Variants in DNHD1 observed in about 807,000 individuals in gnomAD.
DNHD1 encodes the protein dynein heavy chain domain-containing protein 1.
DNHD1 carries 383 observed loss-of-function variants against 458.1 expected under a neutral mutation model. That is an observed-to-expected ratio of 0.84 (90% confidence interval 0.77 to 0.91). The LOEUF (loss-of-function observed/expected upper bound fraction) is 0.91. Among genes scored for constraint, DNHD1 ranks in the 40% least tolerant of loss-of-function variants. The probability of loss-of-function intolerance (pLI) is 0.00; values close to 1 mark genes in which losing one functional copy is unlikely to be tolerated. For synonymous variants in DNHD1, 2,203 were observed against 2,376.9 expected (o/e 0.93, Z 2.13); for missense variants, 5,336 against 5,866.1 (o/e 0.91, Z 2.95).
chr11:6,511,270 T>G lies in DNHD1; in HGVS notation c.1236-3T>G. 1 of 1,614,082 alleles carries G rather than the reference T, an allele frequency of 6.2e-7. No individual in the cohort carries two copies. Among genetic ancestry groups the G allele is most frequent in the African/African-American group, 1.3e-5 (1 of 75,056 alleles). ...CTCTGACCAGCTTAGTCCTTGATTC[T>G]AGGCTTCTGCAGGAGCTACACTCTG... On this transcript the variant is annotated splice_polypyrimidine_tract_variant and splice_region_variant and intron_variant, in intron 6 of 42. Transcript: ENST00000254579.
At chr11:6,525,938 G>T (rs1170948289) in intron 10 of DNHD1, among the ~76,000 whole-genome samples, 4 of 151,982 alleles carry the variant, frequency 2.6e-5, no homozygotes, top group African/African-American at 9.7e-5. Context: ...GGGAAGGATT[G>T]TCAGGTATGT....
chr11:6,514,626 G>T (rs1299359787), intron 7 of DNHD1, among the ~76,000 whole-genome samples: 1 of 148,244 alleles, frequency 6.7e-6, no homozygotes, highest in East Asian at 2.0e-4. Flanking sequence ...AAACTTATTA[G>T]AATTGTAAAG....
intron 24 of DNHD1, among the ~76,000 whole-genome samples, chr11:6,552,484 A>G (rs943761398): frequency 1.3e-5 from 2 of 152,140 alleles, no homozygotes; most frequent in African/African-American, 2.4e-5. Context: ...GGATCACGCC[A>G]TTGCACTCCA....
Position 6,529,254 on chromosome 11 carries a change from GC to G in DNHD1, c.2347+136del. On this transcript the variant is annotated intron_variant, in intron 12 of 42. Coordinates refer to ENST00000254579, the MANE Select transcript of DNHD1 (RefSeq NM_144666.3). Reference sequence around the variant, plus strand: ...TATTGGACCTATGAAGCCTTCCAAAGCCCGAGGTCCCAGGCCCTTTCCTTTG... The same window carrying G: ...TATTGGACCTATGAAGCCTTCCAAAGCCGAGGTCCCAGGCCCTTTCCTTTG... 3 of 988,292 alleles carry G rather than the reference GC, an allele frequency of 3.0e-6. No homozygotes were observed. The South Asian group carries it at 5.1e-5, about 17-fold the overall frequency. The allele number at this position is 988,292 out of a possible 1,614,324, so 61.2% of individuals were successfully genotyped here.
Position 6,567,878 on chromosome 11 carries a change from T to C in DNHD1, c.12351+18T>C. ...ATCAGCAGGTTTGAACCTAGTTTCTTGGCCACAGAGTGACCAGGCTCCTGT... is the reference window on the plus strand; with the variant it reads ...ATCAGCAGGTTTGAACCTAGTTTCTCGGCCACAGAGTGACCAGGCTCCTGT... On this transcript the variant is annotated intron_variant, in intron 36 of 42. Coordinates refer to ENST00000254579, the MANE Select transcript of DNHD1 (RefSeq NM_144666.3). The C allele has an allele frequency of 5.0e-6, 8 of 1,598,468 alleles. No homozygotes were observed. The highest frequency in any genetic ancestry group is 6.8e-6 in the Non-Finnish European group (8 of 1,173,236).
chr11:6,520,561 C>T (rs1852585696), intron 10 of DNHD1: 1 of 1,274,182 alleles, frequency 7.8e-7, no homozygotes, highest in Admixed American at 3.4e-5. Flanking sequence ...AAACCTGATT[C>T]ATCCCAAACT....
intron 12 of DNHD1, 41 bp downstream of exon 12, chr11:6,529,162 G>A (rs749432010): frequency 3.2e-6 from 5 of 1,545,970 alleles, no homozygotes; most frequent in Middle Eastern, 2.2e-4. Context: ...TCCCTTTTCT[G>A]TATGTCTATT....
chr11:6,514,771 C>T lies in DNHD1; in HGVS notation c.1392+3342C>T, dbSNP rs117040332. On this transcript the variant is annotated intron_variant, in intron 7 of 42. Coordinates refer to ENST00000254579, the MANE Select transcript of DNHD1 (RefSeq NM_144666.3). ...TTTGAGAGTCAATTGAAGGCATCAG[C>T]CCCCTTACCCCTGTCTTAGTTTGTT... 4.4e-4 allele frequency among the ~76,000 whole-genome samples: 67 copies of T among 152,180 alleles called. No individual in the cohort carries two copies. In the East Asian group the frequency reaches 7.3e-3, roughly 17 times the overall value.
chr11:6,507,729 G>C (rs1467518724), intron 4 of DNHD1, among the ~76,000 whole-genome samples: 2 of 152,134 alleles, frequency 1.3e-5, no homozygotes, highest in Non-Finnish European at 2.9e-5. Flanking sequence ...TAAAGGAGGG[G>C]GCATGAGTCA....
In DNHD1 at chr11:6,498,124, G is replaced by T. The variant is rs1852064785; in HGVS notation, c.-92G>T. The T allele has an allele frequency of 5.2e-6, 8 of 1,543,958 alleles. No individual in the cohort carries two copies. The highest frequency in any genetic ancestry group is 1.3e-5 in the South Asian group (1 of 79,594). On this transcript the variant is annotated 5_prime_UTR_variant, in exon 3 of 43. Coordinates refer to ENST00000254579, the MANE Select transcript of DNHD1 (RefSeq NM_144666.3). ...CCCTCTGCTGGGCTGGCCCATGCAG[G>T]TGAGGCCCCGCATCTGGCATCCTGG...
chr11:6,526,134 TTA>T (rs778126206), intron 10 of DNHD1, among the ~76,000 whole-genome samples: 2 of 152,170 alleles, frequency 1.3e-5, no homozygotes, highest in Non-Finnish European at 2.9e-5. Flanking sequence ...TTAAAATTGT[TTA>T]TTTCCTTTTT....
At chr11:6,544,437 A>G in intron 19 of DNHD1, 137 bp from the exon 20 acceptor site, 1 of 1,010,046 alleles carries the variant, frequency 9.9e-7, no homozygotes, top group Non-Finnish European at 1.4e-6. Flanking sequence ...CCCTCAAGCA[A>G]GTTCCCTGAG....
intron 39 of DNHD1, 72 bp downstream of exon 39, chr11:6,568,938 T>C: frequency 6.9e-7 from 1 of 1,459,036 alleles, no homozygotes; most frequent in Non-Finnish European, 9.2e-7. Flanking sequence ...TATGCTGGGA[T>C]GAGTAAAACT....
intron 18 of DNHD1, 146 bp downstream of exon 18, chr11:6,540,229 C>G (rs1853070356): frequency 1.4e-6 from 1 of 690,468 alleles, no homozygotes; most frequent in Admixed American, 2.8e-5. Flanking sequence ...TGTTCTGAGA[C>G]AGTGTCTTCC....
At position 6,538,668 on chromosome 11, in the gene DNHD1, G is replaced by C. The variant is rs1564813164; in HGVS notation, c.3183G>C (p.Arg1061=). The C allele has an allele frequency of 6.5e-7, 1 of 1,548,866 alleles. No individual in the cohort carries two copies. ...KTEGWLTEAA[R]MSTTLELHSP... is the part of the protein sequence containing the mutation. ...AGGGCTGGCTGACAGAGGCAGCACGGATGAGCACAACCCTGGAGCTGCACA... is the reference window on the plus strand; with the variant it reads ...AGGGCTGGCTGACAGAGGCAGCACGCATGAGCACAACCCTGGAGCTGCACA... Residue 1061 remains arginine, a synonymous_variant, in exon 16 of 43, where the codon CGG becomes CGC. Coordinates refer to ENST00000254579, the MANE Select transcript of DNHD1 (RefSeq NM_144666.3).
chr11:6,567,645 G>A lies in DNHD1; in HGVS notation c.12136G>A (p.Val4046Ile), dbSNP rs201365686. 48 of 1,613,834 alleles carry A rather than the reference G, an allele frequency of 3.0e-5. No homozygotes were observed. Among genetic ancestry groups the A allele is most frequent in the South Asian group, 2.5e-4 (23 of 91,092 alleles). ...SLLQKLILWR[V>I]LRPECLAGAL... The stretch of plus-strand genomic sequence containing the variant: ...CCTCCAGAAGCTGATCCTGTGGCGC[G>A]TTCTGCGACCTGAGTGCCTGGCAGG... Residue 4046 changes from valine to isoleucine, a missense_variant, in exon 36 of 43, where the codon GTT (valine) becomes ATT (isoleucine). By Grantham distance (29) the Val-to-Ile change is conservative. Transcript: ENST00000254579.
chr11:6,507,296 A>G (rs1433277922), intron 4 of DNHD1, among the ~76,000 whole-genome samples: 6 of 152,188 alleles, frequency 3.9e-5, no homozygotes, highest in African/African-American at 1.2e-4. Context: ...GCTTGCCTTA[A>G]TAAGCATTTG....
chr11:6,538,796 A>G lies in DNHD1; in HGVS notation c.3311A>G (p.Gln1104Arg), dbSNP rs1168029420. ...CTCCACCCACAGAGCCTCAACTGCC[A>G]GTGTCTCCTGCGTGGTATGTTTGGT... is the stretch of plus-strand genomic sequence containing the variant. The part of the protein sequence containing the change: ...GSLHPQSLNC[Q>R]CLLRALGLGS... The change falls in exon 16 of 43, where the codon CAG becomes CGG. Residue 1104 changes from glutamine (Q) to arginine (R), a missense_variant. Gln to Arg is a conservative substitution (Grantham distance 43, BLOSUM62 1). Around this residue, in one of 4 missense-constraint regions of DNHD1, gnomAD observed 3,932 missense variants for 4,365.6 expected, o/e 0.90. Coordinates refer to ENST00000254579, the MANE Select transcript of DNHD1 (RefSeq NM_144666.3). 4 of 1,521,720 alleles carry G rather than the reference A, an allele frequency of 2.6e-6. No individual in the cohort carries two copies. The Admixed American group carries it at 8.1e-5, about 31-fold the overall frequency. The allele number at this position is 1,521,720 out of a possible 1,614,324, so 94.3% of individuals were successfully genotyped here.
chr11:6,548,897 C>T lies in DNHD1; in HGVS notation c.7351C>T (p.Leu2451Phe), dbSNP rs1380741969. The change falls in exon 24 of 43, where the codon CTC (leucine) becomes TTC (phenylalanine). Residue 2451 changes from leucine to phenylalanine, a missense_variant. Transcript: ENST00000254579. The surrounding 1 kb of genome is among the most constrained non-coding windows in gnomAD (Gnocchi z 4.4). ...TCACCAGGATTCTAAACCCTCCCTC[C>T]TCTTCTTGCTGGAGGACCTGCACCT... Reference protein sequence around the residue: ...GHHQDSKPSLLFLLEDLHLAT... With the variant: ...GHHQDSKPSLFFLLEDLHLAT... 2 of 1,551,736 alleles carry T rather than the reference C, an allele frequency of 1.3e-6. No homozygotes were observed. The highest frequency in any genetic ancestry group is 2.0e-5 in the Admixed American group (1 of 51,010).
Sources: gnomAD v4.1 joint callset for allele counts (sites outside exome capture counted in the v4.1 genomes callset) on GRCh38, gnomAD v4.1.1 for gene constraint, gnomAD v4.1.1 regional missense constraint, Gnocchi (gnomAD v3.1) non-coding constraint, MANE v1.5 for transcripts, NCBI Gene and HGNC (gene_info 2026-07-23, HGNC 2026-07-21) for gene names.